The following ASAP1 variants were observed in gnomAD, a reference collection of about 807,000 sequenced individuals.
The protein encoded by ASAP1 is ArfGAP with SH3 domain, ankyrin repeat and PH domain 1, also known as arf-GAP with SH3 domain, ANK repeat and PH domain-containing protein 1.
In ASAP1, 43 loss-of-function variants were observed where a neutral mutation model predicts 145.2. The observed-to-expected ratio is 0.30, with a 90% CI of 0.23 to 0.38. The LOEUF (loss-of-function observed/expected upper bound fraction) is 0.38. Among genes scored for constraint, ASAP1 ranks in the 10% least tolerant of loss-of-function variants. The probability of loss-of-function intolerance (pLI) is 1.00; values close to 1 mark genes in which losing one functional copy is unlikely to be tolerated. For synonymous variants in ASAP1, 546 were observed against 515.5 expected (o/e 1.06, Z -0.80); for missense variants, 1,018 against 1,355.3 (o/e 0.75, Z 3.91).
chr8:130,380,825 C>T (rs1565266105), intron 2 of ASAP1, among the ~76,000 whole-genome samples: 1 of 152,178 alleles, frequency 6.6e-6, no homozygotes, highest in South Asian at 2.1e-4. Context: ...CTCAAGTGAT[C>T]TTTCGCCTCA....
intron 25 of ASAP1, among the ~76,000 whole-genome samples, chr8:130,085,093 C>T (rs776110424): frequency 3.3e-5 from 5 of 152,154 alleles, no homozygotes; most frequent in African/African-American, 4.8e-5. Flanking sequence ...TGGTTTCCCA[C>T]GTGCACTGCA....
chr8:130,103,783 G>A (rs1283267919), intron 24 of ASAP1, among the ~76,000 whole-genome samples: 1 of 152,146 alleles, frequency 6.6e-6, no homozygotes, highest in Non-Finnish European at 1.5e-5. Context: ...CAAAGTGCTG[G>A]GATTACAGGC....
intron 3 of ASAP1, among the ~76,000 whole-genome samples, chr8:130,278,653 G>A (rs1262581586): frequency 2.0e-5 from 3 of 152,088 alleles, no homozygotes; most frequent in African/African-American, 4.8e-5. Flanking sequence ...TAAAACAGTC[G>A]AGAGACATTG....
At chr8:130,179,903 A>G (rs772368712) in intron 8 of ASAP1, among the ~76,000 whole-genome samples, 2 of 152,064 alleles carry the variant, frequency 1.3e-5, no homozygotes, top group Non-Finnish European at 2.9e-5. Context: ...CACTTGTTTT[A>G]TTCTGTAAAA....
intron 3 of ASAP1, among the ~76,000 whole-genome samples, chr8:130,245,226 A>G (rs536255978): frequency 1.6e-3 from 248 of 152,282 alleles, no homozygotes; most frequent in African/African-American, 5.7e-3. Context: ...CCCAAAATTG[A>G]AAGTTGGTAT....
chr8:130,303,318 G>C (rs1822792068), intron 3 of ASAP1, among the ~76,000 whole-genome samples: 1 of 152,170 alleles, frequency 6.6e-6, no homozygotes, highest in African/African-American at 2.4e-5. Flanking sequence ...TACTATTTAA[G>C]ATATATTTAG....
chr8:130,147,198 CAAAAAAAAAAAAAAA>C (rs559149769), intron 13 of ASAP1, among the ~76,000 whole-genome samples: 5 of 63,338 alleles, frequency 7.9e-5, no homozygotes, highest in African/African-American at 2.7e-4. Context: ...AATGCAGTCT[CAAAAAAAAAAAAAAA>C]AAAAAAAAAA....
At chr8:130,337,101 T>C (rs981835921) in intron 3 of ASAP1, among the ~76,000 whole-genome samples, 1 of 152,118 alleles carries the variant, frequency 6.6e-6, no homozygotes, top group African/African-American at 2.4e-5. Flanking sequence ...AGAGTTTGTA[T>C]GAGGAAATAA....
intron 5 of ASAP1, among the ~76,000 whole-genome samples, chr8:130,208,002 T>G (rs1436634642): frequency 6.6e-6 from 1 of 152,168 alleles, no homozygotes; most frequent in Non-Finnish European, 1.5e-5. Flanking sequence ...TATGCTGAAA[T>G]TTTTATGTAA....
chr8:130,180,874 T>C lies in ASAP1; in HGVS notation c.537A>G (p.Lys179=), dbSNP rs534725153. 1 of 1,607,828 alleles carries C rather than the reference T, an allele frequency of 6.2e-7. No homozygotes were observed. The highest frequency in any genetic ancestry group is 1.1e-5 in the South Asian group (1 of 89,716). ...CGTGCTCTCTTTTCTCTTTCTCAAT[T>C]TTTGTACTGTAATTAAAGCCAATGT... ...AWKDYETKFT[K]IEKEKREHAK... Residue 179 remains lysine (K), a synonymous_variant, in exon 8 of 30, where the codon AAA becomes AAG. Coordinates refer to ENST00000518721, the MANE Select transcript of ASAP1 (RefSeq NM_018482.4).
At chr8:130,361,611 T>C in intron 2 of ASAP1, 1 of 1,248,646 alleles carries the variant, frequency 8.0e-7, no homozygotes, top group Non-Finnish European at 1.1e-6. Flanking sequence ...CTTTGGTAAG[T>C]ATATACCTCC....
intron 3 of ASAP1, among the ~76,000 whole-genome samples, chr8:130,336,172 A>T (rs910704973): frequency 7.9e-5 from 12 of 152,194 alleles, no homozygotes; most frequent in Admixed American, 2.6e-4. Context: ...ATGTTTGCTG[A>T]ATAAATTCAG....
chr8:130,375,548 G>A (rs1366062556), intron 2 of ASAP1, among the ~76,000 whole-genome samples: 6 of 138,020 alleles, frequency 4.3e-5, no homozygotes, highest in African/African-American at 8.4e-5. Context: ...TTGGACTCTC[G>A]AGGGAAAAAA....
intron 3 of ASAP1, among the ~76,000 whole-genome samples, chr8:130,283,587 G>GACAAAAAAAAAAAAAAAA (rs1821396757): frequency 9.6e-5 from 2 of 20,852 alleles, no homozygotes; most frequent in African/African-American, 3.4e-4. Context: ...ATCACAGAAA[G>GACAAAAAAAAAAAAAAAA]AAAAAAAAAA....
chr8:130,069,570 T>C (rs1397656749), intron 27 of ASAP1: 1 of 152,192 alleles, frequency 6.6e-6, no homozygotes, highest in African/African-American at 2.4e-5. Context: ...TGTTAAAAAA[T>C]AACGTGTCAT....
intron 1 of ASAP1, among the ~76,000 whole-genome samples, chr8:130,423,275 C>G (rs1486061623): frequency 3.3e-5 from 5 of 152,040 alleles, no homozygotes; most frequent in African/African-American, 7.2e-5. Flanking sequence ...TTTAAAAATG[C>G]AAATAAAGAA....
chr8:130,058,214 G>T, intron 28 of ASAP1, 138 bp from the exon 29 acceptor site: 1 of 894,042 alleles, frequency 1.1e-6, no homozygotes, highest in Non-Finnish European at 1.7e-6. Flanking sequence ...TGAAGGGCGG[G>T]AAGAAGAGTG....
chr8:130,339,506 A>G (rs1825244755), intron 3 of ASAP1, among the ~76,000 whole-genome samples: 1 of 152,178 alleles, frequency 6.6e-6, no homozygotes, highest in Non-Finnish European at 1.5e-5. Flanking sequence ...AGGAGCTATC[A>G]CAAGATTCAA....
At chr8:130,137,101 T>C (rs1183967617) in intron 13 of ASAP1, 63 bp from the exon 14 acceptor site, 8 of 1,371,392 alleles carry the variant, frequency 5.8e-6, no homozygotes, top group Non-Finnish European at 7.3e-6. Context: ...GCAGGTTCAG[T>C]GCCCTGTAGG....
Sources: gnomAD v4.1 joint callset for allele counts (sites outside exome capture counted in the v4.1 genomes callset) on GRCh38, gnomAD v4.1.1 for gene constraint, MANE v1.5 for transcripts, NCBI Gene and HGNC (gene_info 2026-07-23, HGNC 2026-07-21) for gene names.